The following PRR16 variants were observed in gnomAD, a reference collection of about 807,000 sequenced individuals.
The protein encoded by PRR16 is protein Largen.
In PRR16, 6 loss-of-function variants were observed where a neutral mutation model predicts 18.2. The ratio of observed to expected loss-of-function variants is 0.33; its 90% confidence interval spans 0.18 to 0.65. The LOEUF (loss-of-function observed/expected upper bound fraction) is 0.65, where lower values mean the gene tolerates loss of function less well. Among genes scored for constraint, PRR16 ranks in the 30% least tolerant of loss-of-function variants. The probability of loss-of-function intolerance (pLI) is 0.74; values close to 1 mark genes in which losing one functional copy is unlikely to be tolerated. For missense variants in PRR16, 412 were observed against 376.6 expected (o/e 1.09, Z -0.78); for synonymous variants, 151 against 147.8 (o/e 1.02, Z -0.16).
At chr5:120,775,796 ATTTTTTTTT>A in the PRR16 span, among the ~76,000 whole-genome samples, 23 of 80,618 alleles carry the variant, frequency 2.9e-4, no homozygotes, top group Non-Finnish European at 4.3e-4. Flanking sequence ...ACGCCTGGCT[ATTTTTTTTT>A]TTTTTTTTTT....
chr5:120,491,562 A>G (rs1212601184), intron 1 of PRR16, among the ~76,000 whole-genome samples: 1 of 141,874 alleles, frequency 7.0e-6, no homozygotes, highest in African/African-American at 2.6e-5. Context: ...TCTTCCTTAC[A>G]TGATGGAGTC....
intron 1 of PRR16, among the ~76,000 whole-genome samples, chr5:120,484,457 A>T (rs1377513091): frequency 6.9e-6 from 1 of 145,106 alleles, no homozygotes; most frequent in African/African-American, 2.5e-5. Flanking sequence ...GATATATTTT[A>T]TATCTAATAT....
chr5:120,565,185 G>A (rs558372292), intron 1 of PRR16, among the ~76,000 whole-genome samples: 1 of 152,082 alleles, frequency 6.6e-6, no homozygotes, highest in East Asian at 1.9e-4. Context: ...GATTACTTAA[G>A]CACTTTCATG....
At chr5:120,516,240 A>G (rs1234614442) in intron 1 of PRR16, among the ~76,000 whole-genome samples, 1 of 152,142 alleles carries the variant, frequency 6.6e-6, no homozygotes, top group Admixed American at 6.5e-5. Context: ...CCTGGCCAAC[A>G]TGGCGAAACG....
At chr5:120,789,422 A>G in the PRR16 span, among the ~76,000 whole-genome samples, 2 of 152,100 alleles carry the variant, frequency 1.3e-5, no homozygotes, top group Non-Finnish European at 2.9e-5. Context: ...AGATATTCCT[A>G]AAGTGAAGGA....
At chr5:120,715,479 T>G in the PRR16 span, among the ~76,000 whole-genome samples, 15 of 152,286 alleles carry the variant, frequency 9.8e-5, no homozygotes, top group East Asian at 2.5e-3. Context: ...AAGTCAAACT[T>G]TAATGAAAAT....
chr5:120,516,514 C>CAT (rs200788129), intron 1 of PRR16, among the ~76,000 whole-genome samples: 2 of 150,462 alleles, frequency 1.3e-5, no homozygotes, highest in Non-Finnish European at 3.0e-5. Context: ...CACACACACA[C>CAT]GCATATACAT....
chr5:120,501,955 C>CA (rs548770948), intron 1 of PRR16, among the ~76,000 whole-genome samples: 740 of 43,958 alleles, frequency 0.017, 37 homozygotes, highest in East Asian at 0.059. Context: ...TACTCCGTCT[C>CA]AAAAAAAAAA....
intron 1 of PRR16, among the ~76,000 whole-genome samples, chr5:120,630,823 G>C (rs1755027416): frequency 6.6e-6 from 1 of 152,024 alleles, no homozygotes; most frequent in Admixed American, 6.6e-5. Flanking sequence ...CCAGCTCATT[G>C]GTTTGCACTA....
chr5:120,763,606 T>A, the PRR16 span, among the ~76,000 whole-genome samples: 2 of 152,162 alleles, frequency 1.3e-5, no homozygotes, highest in African/African-American at 4.8e-5. Flanking sequence ...GTTGGTATTT[T>A]GATAAAAATT....
chr5:120,521,484 G>A (rs1751178476), intron 1 of PRR16, among the ~76,000 whole-genome samples: 1 of 151,724 alleles, frequency 6.6e-6, no homozygotes, highest in Admixed American at 6.6e-5. Context: ...GATCTTTATG[G>A]GGCTCATTTT....
At chr5:120,499,101 T>C (rs1423608983) in intron 1 of PRR16, among the ~76,000 whole-genome samples, 2 of 151,122 alleles carry the variant, frequency 1.3e-5, no homozygotes, top group African/African-American at 4.9e-5. Context: ...GTCATCTTTT[T>C]TTTTTAATCA....
At chr5:120,586,428 G>A (rs535131286) in intron 1 of PRR16, among the ~76,000 whole-genome samples, 43 of 151,970 alleles carry the variant, frequency 2.8e-4, no homozygotes, top group Middle Eastern at 3.2e-3. Context: ...CAGTTATTGT[G>A]TTTTTCACCA....
rs1273319112 is a variant in PRR16, at chr5:120,686,546, T to C, written c.752T>C (p.Leu251Pro). 2 of 1,612,326 alleles carry C rather than the reference T, an allele frequency of 1.2e-6. No homozygotes were observed. Among genetic ancestry groups the C allele is most frequent in the African/African-American group, 2.7e-5 (2 of 74,466 alleles). Residue 251 changes from leucine to proline, a missense_variant, in exon 2 of 2, where the codon CTC becomes CCC. Physicochemically the swap from Leu to Pro is moderately conservative, Grantham distance 98 (BLOSUM62 -3). Coordinates refer to ENST00000407149, the MANE Select transcript of PRR16 (RefSeq NM_001300783.2). ...PGKIPHQGPP[L>P]PPTPHLPPFP... ...AAGATTCCTCACCAAGGCCCTCCCC[T>C]CCCTCCTACACCCCATCTCCCTCCT...
At chr5:120,594,299 C>A (rs1001571504) in intron 1 of PRR16, among the ~76,000 whole-genome samples, 7 of 151,968 alleles carry the variant, frequency 4.6e-5, no homozygotes, top group African/African-American at 1.7e-4. Flanking sequence ...CGTAGCATTC[C>A]TATACAGCAA....
At chr5:120,487,025 T>C (rs1463475414) in intron 1 of PRR16, among the ~76,000 whole-genome samples, 1 of 152,208 alleles carries the variant, frequency 6.6e-6, no homozygotes, top group Non-Finnish European at 1.5e-5. Flanking sequence ...TTGGTACCAG[T>C]ACCATGCTGT....
At chr5:120,556,754 A>G (rs983504589) in intron 1 of PRR16, among the ~76,000 whole-genome samples, 2 of 152,040 alleles carry the variant, frequency 1.3e-5, no homozygotes, top group East Asian at 3.9e-4. Flanking sequence ...ACATCTTGGA[A>G]ACTGGAGAAC....
chr5:120,767,039 T>A, the PRR16 span, among the ~76,000 whole-genome samples: 1 of 151,952 alleles, frequency 6.6e-6, no homozygotes, highest in Admixed American at 6.6e-5. Flanking sequence ...ACAAGAATGT[T>A]TATGTATCCA....
At chr5:120,598,480 C>T (rs1753884791) in intron 1 of PRR16, among the ~76,000 whole-genome samples, 1 of 151,534 alleles carries the variant, frequency 6.6e-6, no homozygotes, top group African/African-American at 2.4e-5. Flanking sequence ...TGCTGTAAAG[C>T]TATATTGTGT....
Sources: allele counts gnomAD v4.1 joint callset (sites outside exome capture counted in the v4.1 genomes callset), GRCh38; gene constraint gnomAD v4.1.1; transcripts MANE v1.5; gene names NCBI Gene and HGNC (gene_info 2026-07-23, HGNC 2026-07-21).